WASF1: variants seen among roughly 807,000 people sequenced by gnomAD.
The protein encoded by WASF1 is WASP family member 1.
Under a neutral mutation model 50.5 loss-of-function variants are expected in WASF1, and 7 were observed. The observed-to-expected ratio is 0.14, with a 90% CI of 0.08 to 0.26. The LOEUF is 0.26. Ranked by LOEUF, WASF1 falls within the 10% of genes least tolerant of loss-of-function variation. WASF1 has a pLI of 1.00. For synonymous variants in WASF1, 205 were observed against 244.0 expected (o/e 0.84, Z 1.49); for missense variants, 470 against 694.7 (o/e 0.68, Z 3.64).
At chr6:110,163,216 G>T (rs1005038266) in intron 2 of WASF1, among the ~76,000 whole-genome samples, 3 of 151,578 alleles carry the variant, frequency 2.0e-5, no homozygotes, top group South Asian at 2.1e-4. Context: ...TCTGACGAAA[G>T]AAATCAAAAA....
Position 110,148,742 on chromosome 6 carries a change from C to A in WASF1, c.-29+11893G>T, listed in dbSNP as rs572490601. On this transcript the variant is annotated intron_variant, in intron 3 of 10. Transcript: ENST00000392589. Reference sequence around the variant, plus strand: ...TCTAATTGCTCTATGGAGACTTGGGCAGTGGGGAATGGCAGAATAAATGCA... The same window carrying A: ...TCTAATTGCTCTATGGAGACTTGGGAAGTGGGGAATGGCAGAATAAATGCA... Among the ~76,000 whole-genome samples, 5 of 152,144 alleles carry A rather than the reference C, an allele frequency of 3.3e-5. 1 individual carries two copies. The South Asian group carries it at 1.0e-3, about 32-fold the overall frequency.
chr6:110,176,921 T>C (rs185694066), intron 2 of WASF1, among the ~76,000 whole-genome samples: 3 of 152,214 alleles, frequency 2.0e-5, no homozygotes, highest in East Asian at 3.9e-4. Context: ...AAGCACTGTT[T>C]TGGTAAAAGT....
At position 110,177,118 on chromosome 6, in the gene WASF1, A is replaced by C. The variant is rs190217908; in HGVS notation, c.-127+1480T>G. ...TCTGAATATATGAATATTTACAAAC[A>C]TGAGTAATAAAGTAACTCTATAGCA... On this transcript the variant is annotated intron_variant, in intron 2 of 10. Transcript: ENST00000392589. The C allele has an allele frequency of 4.6e-5, 7 of 152,178 alleles. No homozygotes were observed. The South Asian group carries it at 8.3e-4, about 18-fold the overall frequency. 9.4% of individuals were successfully genotyped at this position (152,178 alleles called of 1,614,324 possible).
At chr6:110,132,311 C>T (rs868833619) in intron 3 of WASF1, among the ~76,000 whole-genome samples, 4 of 151,604 alleles carry the variant, frequency 2.6e-5, no homozygotes, top group Middle Eastern at 3.2e-3. Flanking sequence ...CATTCTAATC[C>T]ATTTTATATA....
chr6:110,141,238 C>CTTCA (rs147571712), intron 3 of WASF1, among the ~76,000 whole-genome samples: 2,312 of 152,244 alleles, frequency 0.015, 43 homozygotes, highest in African/African-American at 0.054. Context: ...ATACAAGGTT[C>CTTCA]TTCAGGATTT....
At chr6:110,106,637 G>A (rs1312215097) in intron 7 of WASF1, among the ~76,000 whole-genome samples, 1 of 152,208 alleles carries the variant, frequency 6.6e-6, no homozygotes, top group Admixed American at 6.5e-5. Flanking sequence ...GGAGAGAAAT[G>A]TTTAGGATGT....
chr6:110,135,711 G>C (rs113945253), intron 3 of WASF1, among the ~76,000 whole-genome samples: 178 of 145,880 alleles, frequency 1.2e-3, no homozygotes, highest in African/African-American at 4.4e-3. Flanking sequence ...CCTCAAAATA[G>C]GAAGATTATC....
intron 3 of WASF1, among the ~76,000 whole-genome samples, chr6:110,143,590 C>T (rs1452147036): frequency 6.6e-6 from 1 of 152,006 alleles, no homozygotes; most frequent in African/African-American, 2.4e-5. Flanking sequence ...GTTTAAAGGA[C>T]TCCTTGTAGT....
chr6:110,165,601 T>C (rs1472769976), intron 2 of WASF1, among the ~76,000 whole-genome samples: 1 of 151,788 alleles, frequency 6.6e-6, no homozygotes, highest in Non-Finnish European at 1.5e-5. Context: ...TCATCTATTT[T>C]ATAAACATGA....
At chr6:110,160,086 AT>A (rs1225354710) in intron 3 of WASF1, among the ~76,000 whole-genome samples, 2 of 151,912 alleles carry the variant, frequency 1.3e-5, no homozygotes, top group African/African-American at 4.8e-5. Flanking sequence ...TAAAAACAGA[AT>A]ATACACTTCC....
chr6:110,101,465 G>C, intron 10 of WASF1, 123 bp downstream of exon 10: 1 of 1,260,180 alleles, frequency 7.9e-7, no homozygotes, highest in Non-Finnish European at 1.1e-6. Flanking sequence ...CTTTCTAAAG[G>C]CCATTTGTAC....
chr6:110,142,557 A>T (rs1376720548), intron 3 of WASF1, among the ~76,000 whole-genome samples: 2 of 152,130 alleles, frequency 1.3e-5, no homozygotes, highest in Non-Finnish European at 2.9e-5. Context: ...AAACTGCCTG[A>T]TTCCCATTTT....
intron 4 of WASF1, among the ~76,000 whole-genome samples, chr6:110,124,270 C>CAT: frequency 1.9e-5 from 1 of 52,468 alleles, no homozygotes; most frequent in African/African-American, 1.1e-4. Flanking sequence ...CTCTCTCTCT[C>CAT]TCTCTATATA....
At chr6:110,128,059 G>A (rs1265016771) in intron 3 of WASF1, among the ~76,000 whole-genome samples, 1 of 152,072 alleles carries the variant, frequency 6.6e-6, no homozygotes, top group Non-Finnish European at 1.5e-5. Context: ...TGGAAAGTCA[G>A]AAGTTACACA....
At chr6:110,168,170 A>C (rs911406130) in intron 2 of WASF1, among the ~76,000 whole-genome samples, 1 of 152,072 alleles carries the variant, frequency 6.6e-6, no homozygotes, top group African/African-American at 2.4e-5. Flanking sequence ...AACAGTTAAT[A>C]ACGAGTGAAT....
At chr6:110,117,503 T>C (rs1583941459) in intron 4 of WASF1, among the ~76,000 whole-genome samples, 2 of 152,156 alleles carry the variant, frequency 1.3e-5, no homozygotes, top group South Asian at 2.1e-4. Flanking sequence ...CCAAGAAATA[T>C]AGGACTATAT....
intron 4 of WASF1, among the ~76,000 whole-genome samples, chr6:110,118,305 C>CA (rs1251393379): frequency 1.7e-5 from 2 of 120,668 alleles, no homozygotes; most frequent in Non-Finnish European, 3.3e-5. Context: ...ACATAGGCTC[C>CA]AAATAAAGGG....
At chr6:110,116,018 C>T (rs1773789045) in intron 4 of WASF1, among the ~76,000 whole-genome samples, 2 of 152,146 alleles carry the variant, frequency 1.3e-5, no homozygotes, top group Admixed American at 1.3e-4. Flanking sequence ...TGCCTCCAAA[C>T]CAGTACCAGA....
chr6:110,145,644 A>G (rs564279517), intron 3 of WASF1, among the ~76,000 whole-genome samples: 1 of 152,186 alleles, frequency 6.6e-6, no homozygotes, highest in Non-Finnish European at 1.5e-5. Flanking sequence ...ATCAATACCT[A>G]ATTTATTGAG....
Sources: allele counts gnomAD v4.1 joint callset (sites outside exome capture counted in the v4.1 genomes callset), GRCh38; gene constraint gnomAD v4.1.1; transcripts MANE v1.5; gene names NCBI Gene and HGNC (gene_info 2026-07-23, HGNC 2026-07-21).